TNS3: variants seen among roughly 807,000 people sequenced by gnomAD.
TNS3 encodes the protein tensin-3.
Under a neutral mutation model 140.9 loss-of-function variants are expected in TNS3, and 45 were observed. That is an observed-to-expected ratio of 0.32 (90% CI 0.25 to 0.41). TNS3 has a LOEUF of 0.41. TNS3 is among the 10% of genes least tolerant of loss of function. The pLI is 1.00. For synonymous variants in TNS3, 815 were observed against 788.4 expected (o/e 1.03, Z -0.56); for missense variants, 1,716 against 1,906.7 (o/e 0.90, Z 1.86).
chr7:47,333,807 C>T (rs2150931403), intron 20 of TNS3, among the ~76,000 whole-genome samples: 1 of 152,304 alleles, frequency 6.6e-6, no homozygotes, highest in South Asian at 2.1e-4. Flanking sequence ...GAAACTATTT[C>T]AATAAGAAAG....
intron 17 of TNS3, among the ~76,000 whole-genome samples, chr7:47,352,256 C>G (rs560379869): frequency 6.6e-6 from 1 of 152,180 alleles, no homozygotes; most frequent in Non-Finnish European, 1.5e-5. Context: ...CACTCACACA[C>G]GTGCAGTCTC....
At chr7:47,497,656 G>A (rs1036821868) in intron 3 of TNS3, among the ~76,000 whole-genome samples, 5 of 59,166 alleles carry the variant, frequency 8.5e-5, no homozygotes, top group Non-Finnish European at 1.2e-4. Flanking sequence ...AGAGTTTCAC[G>A]TATGGAACAC....
At chr7:47,290,928 C>T (rs987151517) in intron 27 of TNS3, among the ~76,000 whole-genome samples, 7 of 152,258 alleles carry the variant, frequency 4.6e-5, no homozygotes, top group African/African-American at 1.7e-4. Context: ...CCTGAAAGCA[C>T]CCACAATGTC....
At chr7:47,362,080 C>T (rs779398218) in intron 17 of TNS3, among the ~76,000 whole-genome samples, 3 of 152,172 alleles carry the variant, frequency 2.0e-5, no homozygotes, top group Non-Finnish European at 4.4e-5. Flanking sequence ...CAGGCTGAGA[C>T]CCAGAGTGGG....
intron 2 of TNS3, among the ~76,000 whole-genome samples, chr7:47,527,586 C>T (rs1375798392): frequency 1.3e-5 from 2 of 152,186 alleles, no homozygotes; most frequent in African/African-American, 4.8e-5. Context: ...ACAGCATTCA[C>T]AGATGACCAA....
intron 9 of TNS3, among the ~76,000 whole-genome samples, chr7:47,425,318 AAACAACAACAAC>A (rs367840444): frequency 2.5e-3 from 385 of 152,028 alleles, no homozygotes; most frequent in African/African-American, 8.8e-3. Context: ...CTCCATCTCA[AAACAACAACAAC>A]AACAACAACA....
intron 17 of TNS3, among the ~76,000 whole-genome samples, chr7:47,348,631 C>A (rs1021689311): frequency 3.3e-5 from 5 of 152,188 alleles, no homozygotes; most frequent in African/African-American, 1.2e-4. Context: ...AAATATCACA[C>A]TGTGCCCCAT....
chr7:47,521,126 T>C (rs1421699009), intron 2 of TNS3, among the ~76,000 whole-genome samples: 1 of 152,226 alleles, frequency 6.6e-6, no homozygotes, highest in Non-Finnish European at 1.5e-5. Flanking sequence ...GGGGAGCAGA[T>C]AGATTCATAA....
intron 20 of TNS3, among the ~76,000 whole-genome samples, chr7:47,339,778 GA>G (rs1788844088): frequency 6.6e-6 from 1 of 152,004 alleles, no homozygotes; most frequent in African/African-American, 2.4e-5. Flanking sequence ...AATCTGGAAA[GA>G]AGTGACAGCT....
At chr7:47,557,870 A>G (rs910316141) in intron 1 of TNS3, among the ~76,000 whole-genome samples, 1 of 152,200 alleles carries the variant, frequency 6.6e-6, no homozygotes, top group Non-Finnish European at 1.5e-5. Flanking sequence ...ACAGTTCAAG[A>G]ATGTGTGTCA....
chr7:47,400,246 C>G (rs775169583), intron 15 of TNS3, 147 bp downstream of exon 15: 62 of 717,182 alleles, frequency 8.6e-5, no homozygotes, highest in Non-Finnish European at 1.3e-4. Context: ...TTCCACTATC[C>G]AATATCCTAC....
intron 4 of TNS3, among the ~76,000 whole-genome samples, chr7:47,479,090 A>G (rs1190106595): frequency 6.6e-6 from 1 of 152,170 alleles, no homozygotes; most frequent in African/African-American, 2.4e-5. Flanking sequence ...CAGGAGACTG[A>G]AGACTCCTCT....
chr7:47,314,870 GTC>G (rs1562584521), intron 20 of TNS3, among the ~76,000 whole-genome samples: 1 of 152,208 alleles, frequency 6.6e-6, no homozygotes, highest in Non-Finnish European at 1.5e-5. Context: ...GTGGCAGCCT[GTC>G]TCTCTGCTTC....
intron 27 of TNS3, 92 bp downstream of exon 27, chr7:47,291,863 A>G: frequency 2.2e-6 from 3 of 1,360,400 alleles, no homozygotes; most frequent in Middle Eastern, 1.8e-4. Flanking sequence ...AAAGAAAGGA[A>G]ACCTGAATAC....
In TNS3 at chr7:47,304,756, G is replaced by A. The variant is rs191476021; in HGVS notation, c.2822+76C>T. The A allele has an allele frequency of 3.8e-3, 4,852 of 1,288,374 alleles. 37 individuals are homozygous for A. Among genetic ancestry groups the A allele is most frequent in the Middle Eastern group, 0.034 (161 of 4,752 alleles). The allele number at this position is 1,288,374 out of a possible 1,614,324, so 79.8% of individuals were successfully genotyped here. On this transcript the variant is annotated intron_variant, in intron 21 of 30. Coordinates refer to ENST00000311160, the MANE Select transcript of TNS3 (RefSeq NM_022748.12). ...CAGCTTCTCTGAAGAGCAAGCCCCC[G>A]CTGGTCCCACATGCCTCTCAGCATT...
chr7:47,400,975 A>T, intron 13 of TNS3, 61 bp from the exon 14 acceptor site: 17 of 1,605,660 alleles, frequency 1.1e-5, no homozygotes, highest in Non-Finnish European at 1.3e-5. Flanking sequence ...GTTCCCGGCA[A>T]GGAACACACT....
chr7:47,339,316 T>C (rs1309729879), intron 20 of TNS3, among the ~76,000 whole-genome samples: 2 of 152,262 alleles, frequency 1.3e-5, no homozygotes, highest in Non-Finnish European at 2.9e-5. Flanking sequence ...TAAAAAATAC[T>C]ATGTTTTACA....
At chr7:47,398,508 G>C (rs1169833283) in intron 15 of TNS3, among the ~76,000 whole-genome samples, 1 of 151,986 alleles carries the variant, frequency 6.6e-6, no homozygotes, top group African/African-American at 2.4e-5. Context: ...AGGAAGCAGG[G>C]GTGATTTAAC....
chr7:47,327,620 T>C (rs1684407959), intron 20 of TNS3, among the ~76,000 whole-genome samples: 1 of 152,210 alleles, frequency 6.6e-6, no homozygotes, highest in South Asian at 2.1e-4. Flanking sequence ...AACCAGGCTT[T>C]TGTTAGCCCT....
Sources: gnomAD v4.1 joint callset for allele counts (sites outside exome capture counted in the v4.1 genomes callset) on GRCh38, gnomAD v4.1.1 for gene constraint, MANE v1.5 for transcripts, NCBI Gene and HGNC (gene_info 2026-07-23, HGNC 2026-07-21) for gene names.